MERTK: variants seen among roughly 807,000 people sequenced by gnomAD.
MERTK encodes tyrosine-protein kinase Mer.
A neutral mutation model predicts 99.3 loss-of-function variants in MERTK; 69 were observed. That is an observed-to-expected ratio of 0.70 (90% CI 0.57 to 0.85). The LOEUF (loss-of-function observed/expected upper bound fraction) is 0.85, where lower values mean the gene tolerates loss of function less well. Ranked by LOEUF, MERTK falls within the 40% of genes least tolerant of loss-of-function variation. The pLI is 0.00. For synonymous variants in MERTK, 426 were observed against 467.6 expected, an observed-to-expected ratio of 0.91 and a Z score of 1.15; for missense variants, 1,125 against 1,249.4, an observed-to-expected ratio of 0.90 and a Z score of 1.50.
intron 2 of MERTK, among the ~76,000 whole-genome samples, chr2:111,944,512 A>G (rs1684924186): frequency 2.0e-5 from 3 of 152,304 alleles, no homozygotes; most frequent in Admixed American, 1.3e-4. Flanking sequence ...CCTTAAAATA[A>G]TTCCTCTGTT....
At chr2:111,924,612 C>T (rs1294664353) in intron 1 of MERTK, among the ~76,000 whole-genome samples, 1 of 152,196 alleles carries the variant, frequency 6.6e-6, no homozygotes. Flanking sequence ...CCTCATCAAG[C>T]CTAGCTCTGA....
At chr2:111,939,046 G>A (rs930655389) in intron 2 of MERTK, among the ~76,000 whole-genome samples, 1 of 152,130 alleles carries the variant, frequency 6.6e-6, no homozygotes, top group Admixed American at 6.5e-5. Context: ...TCTTGTCTTA[G>A]TCTGTTTTCT....
chr2:111,936,021 A>G (rs959764034), intron 2 of MERTK, among the ~76,000 whole-genome samples: 12 of 152,174 alleles, frequency 7.9e-5, no homozygotes, highest in Admixed American at 2.0e-4. Context: ...GGTTTAAGCA[A>G]TTCTCCTGAC....
intron 5 of MERTK, 113 bp downstream of exon 5, chr2:111,965,390 T>TCACAAAGA: frequency 9.9e-7 from 1 of 1,007,844 alleles, no homozygotes; most frequent in Non-Finnish European, 1.5e-6. Context: ...TGTCTCAAGG[T>TCACAAAGA]TCTTTGTGAC....
intron 2 of MERTK, among the ~76,000 whole-genome samples, chr2:111,937,099 A>G (rs570300009): frequency 6.6e-6 from 1 of 152,242 alleles, no homozygotes; most frequent in African/African-American, 2.4e-5. Context: ...CATAGTTCCC[A>G]GTGGCTAAAG....
intron 6 of MERTK, among the ~76,000 whole-genome samples, chr2:111,970,337 A>G (rs1042422343): frequency 3.3e-5 from 5 of 151,114 alleles, no homozygotes; most frequent in Non-Finnish European, 5.9e-5. Flanking sequence ...TTGTATATTT[A>G]CTAGACATGG....
intron 10 of MERTK, among the ~76,000 whole-genome samples, chr2:111,998,601 A>G (rs935099669): frequency 6.6e-6 from 1 of 152,204 alleles, no homozygotes; most frequent in Non-Finnish European, 1.5e-5. Context: ...TGGCTGCATT[A>G]AGAAAGTCAG....
At chr2:111,927,908 A>G (rs1178820718) in intron 1 of MERTK, among the ~76,000 whole-genome samples, 2 of 152,078 alleles carry the variant, frequency 1.3e-5, no homozygotes, top group Non-Finnish European at 2.9e-5. Context: ...TGCTAGGCCT[A>G]TATCTCTCTC....
intron 15 of MERTK, among the ~76,000 whole-genome samples, chr2:112,011,481 G>A (rs1258531868): frequency 6.6e-6 from 1 of 152,204 alleles, no homozygotes; most frequent in East Asian, 1.9e-4. Context: ...CCCAGGTGCG[G>A]TGGCTCATGC....
intron 2 of MERTK, among the ~76,000 whole-genome samples, chr2:111,943,834 C>T (rs1383309998): frequency 1.3e-5 from 2 of 152,164 alleles, no homozygotes; most frequent in African/African-American, 4.8e-5. Context: ...GAATTAGGGT[C>T]TAGTCTCAGG....
chr2:111,915,179 A>G (rs948651560), intron 1 of MERTK, among the ~76,000 whole-genome samples: 3 of 152,128 alleles, frequency 2.0e-5, no homozygotes, highest in Non-Finnish European at 2.9e-5. Context: ...ATGTGTGGTT[A>G]TTTGTACTAT....
chr2:112,004,871 C>T (rs916347312), intron 13 of MERTK, among the ~76,000 whole-genome samples: 3 of 151,932 alleles, frequency 2.0e-5, no homozygotes, highest in African/African-American at 7.3e-5. Flanking sequence ...CACTGCATTC[C>T]AGCCTGGGTG....
intron 11 of MERTK, among the ~76,000 whole-genome samples, chr2:112,001,891 C>A (rs1375429429): frequency 7.2e-5 from 11 of 152,082 alleles, no homozygotes; most frequent in Non-Finnish European, 1.5e-4. Flanking sequence ...TAGAAACTTG[C>A]TTGGTGTAGA....
chr2:112,001,702 T>C (rs1676873295), intron 11 of MERTK, among the ~76,000 whole-genome samples: 1 of 152,246 alleles, frequency 6.6e-6, no homozygotes, highest in Non-Finnish European at 1.5e-5. Flanking sequence ...TGAGCTTTGC[T>C]GAATCAGAGA....
In MERTK at chr2:111,935,126, G is replaced by A. The variant is rs181625533; in HGVS notation, c.482+5586G>A. 3.9e-5 allele frequency among the ~76,000 whole-genome samples: 6 copies of A among 152,314 alleles called. No individual in the cohort carries two copies. In the East Asian group the frequency reaches 5.8e-4, roughly 15 times the overall value. ...ATGTCATTTTAGACACCAAGAAATA[G>A]AGATATTGTAAAAATCAATACACAT... is the stretch of plus-strand genomic sequence containing the variant. On this transcript the variant is annotated intron_variant, in intron 2 of 18. Transcript: ENST00000295408.
At chr2:111,919,341 AATC>A (rs1342378020) in intron 1 of MERTK, among the ~76,000 whole-genome samples, 2 of 148,572 alleles carry the variant, frequency 1.3e-5, no homozygotes, top group African/African-American at 4.9e-5. Flanking sequence ...TGCACATTAG[AATC>A]ATAAGAGGAG....
At chr2:111,905,191 G>A (rs528759403) in intron 1 of MERTK, among the ~76,000 whole-genome samples, 23 of 152,272 alleles carry the variant, frequency 1.5e-4, no homozygotes, top group African/African-American at 5.5e-4. Flanking sequence ...GCCACAGGAA[G>A]GGAGGGCCTA....
Position 112,021,510 on chromosome 2 carries a change from G to C in MERTK, c.2278G>C (p.Ala760Pro). Residue 760 changes from alanine (A) to proline (P), a missense_variant, in exon 17 of 19, where the codon GCT (alanine) becomes CCT (proline). Ala to Pro is a conservative substitution (Grantham distance 27, BLOSUM62 -1). Coordinates refer to ENST00000295408, the MANE Select transcript of MERTK (RefSeq NM_006343.3). The part of the protein sequence containing the change: ...SGDYYRQGRI[A>P]KMPVKWIAIE... ...CGATTATTACCGCCAAGGCCGCATTGCTAAGATGCCTGTTAAATGGATCGC... is the reference window on the plus strand; with the variant it reads ...CGATTATTACCGCCAAGGCCGCATTCCTAAGATGCCTGTTAAATGGATCGC... 2 of 1,613,966 alleles carry C rather than the reference G, an allele frequency of 1.2e-6. No homozygotes were observed. The highest frequency in any genetic ancestry group is 1.7e-6 in the Non-Finnish European group (2 of 1,179,906).
intron 15 of MERTK, among the ~76,000 whole-genome samples, chr2:112,010,760 A>G (rs1214390713): frequency 6.6e-6 from 1 of 152,184 alleles, no homozygotes; most frequent in East Asian, 1.9e-4. Context: ...CAAAAACAGT[A>G]TCCTCCTGTT....
Sources: gnomAD v4.1 joint callset for allele counts (sites outside exome capture counted in the v4.1 genomes callset) on GRCh38, gnomAD v4.1.1 for gene constraint, MANE v1.5 for transcripts, NCBI Gene and HGNC (gene_info 2026-07-23, HGNC 2026-07-21) for gene names.